The following SCAI variants were observed in gnomAD, a reference collection of about 807,000 sequenced individuals.
SCAI encodes the protein suppressor of cancer cell invasion, also known as protein SCAI.
A neutral mutation model predicts 92.2 loss-of-function variants in SCAI; 24 were observed. That is an observed-to-expected ratio of 0.26 (90% CI 0.19 to 0.37). SCAI has a LOEUF of 0.37. Ranked by LOEUF, SCAI falls within the 10% of genes least tolerant of loss-of-function variation. The probability of loss-of-function intolerance (pLI) is 1.00; values close to 1 mark genes in which losing one functional copy is unlikely to be tolerated. For missense variants in SCAI, 450 were observed against 736.2 expected (o/e 0.61, Z 4.50); for synonymous variants, 261 against 258.6 (o/e 1.01, Z -0.09).
At chr9:125,024,213 TGG>T (rs1243518232) in intron 6 of SCAI, among the ~76,000 whole-genome samples, 122 of 152,012 alleles carry the variant, frequency 8.0e-4, no homozygotes, top group Middle Eastern at 6.8e-3. Context: ...TCAACATAAG[TGG>T]TGACAGTATC....
intron 3 of SCAI, among the ~76,000 whole-genome samples, chr9:125,046,337 A>G: frequency 2.9e-5 from 1 of 34,010 alleles, no homozygotes; most frequent in Non-Finnish European, 5.9e-5. Context: ...ACACACATAT[A>G]TATATGTGTG....
chr9:124,984,667 G>A (rs1287677870), intron 14 of SCAI, among the ~76,000 whole-genome samples: 1 of 152,182 alleles, frequency 6.6e-6, no homozygotes, highest in Admixed American at 6.6e-5. Flanking sequence ...AGCTGTATAT[G>A]GAAGAGCCTA....
chr9:125,057,462 C>T (rs1411546746), intron 2 of SCAI, among the ~76,000 whole-genome samples: 1 of 152,120 alleles, frequency 6.6e-6, no homozygotes, highest in Non-Finnish European at 1.5e-5. Context: ...ATTGAAAGGA[C>T]TCAAAGAATG....
chr9:125,025,182 C>T (rs796751405), intron 6 of SCAI, among the ~76,000 whole-genome samples: 9 of 152,330 alleles, frequency 5.9e-5, no homozygotes, highest in African/African-American at 2.2e-4. Flanking sequence ...CCCCTCCTAA[C>T]TACACACAGC....
At chr9:124,955,471 A>C (rs924495572) in intron 17 of SCAI, among the ~76,000 whole-genome samples, 1 of 151,848 alleles carries the variant, frequency 6.6e-6, no homozygotes, top group Admixed American at 6.6e-5. Flanking sequence ...AAATACAAAA[A>C]TTAGCTGGGC....
intron 2 of SCAI, among the ~76,000 whole-genome samples, chr9:125,137,848 C>T (rs1329509770): frequency 5.9e-5 from 9 of 152,224 alleles, no homozygotes; most frequent in South Asian, 2.1e-4. Flanking sequence ...GTGATCCACC[C>T]GCCTCAGCCT....
At chr9:124,972,110 A>T (rs1020607876) in intron 15 of SCAI, among the ~76,000 whole-genome samples, 4 of 152,210 alleles carry the variant, frequency 2.6e-5, no homozygotes, top group African/African-American at 9.6e-5. Flanking sequence ...AACAAATTTC[A>T]TCCAAATATG....
intron 14 of SCAI, among the ~76,000 whole-genome samples, chr9:124,986,912 G>C (rs977767053): frequency 6.6e-6 from 1 of 152,168 alleles, no homozygotes; most frequent in Non-Finnish European, 1.5e-5. Context: ...CTCCTGTTTT[G>C]ACAAATCTGT....
At chr9:125,070,449 G>A (rs1475010662) in intron 2 of SCAI, among the ~76,000 whole-genome samples, 1 of 124,638 alleles carries the variant, frequency 8.0e-6, no homozygotes, top group Non-Finnish European at 1.6e-5. Context: ...GCCCAGGCTT[G>A]AGTGCAGCAG....
chr9:125,000,790 C>T (rs1274053931), intron 12 of SCAI, among the ~76,000 whole-genome samples: 1 of 152,076 alleles, frequency 6.6e-6, no homozygotes, highest in Non-Finnish European at 1.5e-5. Flanking sequence ...CAGATTTCAG[C>T]GTGCAAATAT....
Position 125,002,067 on chromosome 9 carries a change from C to A in SCAI, c.1066-24G>T, listed in dbSNP as rs749182540. The A allele has an allele frequency of 1.4e-5, 21 of 1,471,044 alleles. No individual in the cohort carries two copies. The Admixed American group carries it at 3.2e-4, about 22-fold the overall frequency. 91.1% of individuals were successfully genotyped at this position (1,471,044 alleles called of 1,614,324 possible). On this transcript the variant is annotated intron_variant, in intron 11 of 17. Coordinates refer to ENST00000336505, the MANE Select transcript of SCAI (RefSeq NM_001144877.3). Reference sequence around the variant, plus strand: ...TCCTGAAATGAAAGAAAATCACATACACAAAACAACAAACAAGGATAAACA... The same window carrying A: ...TCCTGAAATGAAAGAAAATCACATAAACAAAACAACAAACAAGGATAAACA...
chr9:124,986,268 G>A lies in SCAI; in HGVS notation c.1326+8666C>T, dbSNP rs373832310. On this transcript the variant is annotated intron_variant, in intron 14 of 17. Coordinates refer to ENST00000336505, the MANE Select transcript of SCAI (RefSeq NM_001144877.3). Reference sequence around the variant, plus strand: ...ATCACGCCACTGCACTCCAGCCTGGGCAACAGATCGAGACTCCGTCTCAAA... The same window carrying A: ...ATCACGCCACTGCACTCCAGCCTGGACAACAGATCGAGACTCCGTCTCAAA... Among the ~76,000 whole-genome samples, 20 of 152,290 alleles carry A rather than the reference G, an allele frequency of 1.3e-4. No individual in the cohort carries two copies. In the East Asian group the frequency reaches 2.5e-3, roughly 19 times the overall value.
At chr9:125,046,495 G>A (rs1192134129) in intron 3 of SCAI, among the ~76,000 whole-genome samples, 1 of 149,590 alleles carries the variant, frequency 6.7e-6, no homozygotes, top group Non-Finnish European at 1.5e-5. Context: ...ATAGGTGGAA[G>A]CTAAAGTATG....
intron 2 of SCAI, among the ~76,000 whole-genome samples, chr9:125,102,551 G>A (rs1834698263): frequency 6.6e-6 from 1 of 150,834 alleles, no homozygotes; most frequent in African/African-American, 2.4e-5. Context: ...CTCTCCCTCA[G>A]CCTTCAAACA....
intron 2 of SCAI, among the ~76,000 whole-genome samples, chr9:125,078,000 G>A (rs546244136): frequency 1.9e-4 from 29 of 151,818 alleles, no homozygotes; most frequent in Non-Finnish European, 2.9e-4. Flanking sequence ...GATTACAGGC[G>A]TAAGCCACCG....
intron 2 of SCAI, among the ~76,000 whole-genome samples, chr9:125,109,050 C>G (rs1330628581): frequency 1.3e-5 from 2 of 152,186 alleles, no homozygotes; most frequent in African/African-American, 4.8e-5. Context: ...GTTGATCTAT[C>G]ACCTTACCCC....
At chr9:124,988,199 T>C (rs1832038965) in intron 14 of SCAI, among the ~76,000 whole-genome samples, 1 of 152,070 alleles carries the variant, frequency 6.6e-6, no homozygotes, top group Non-Finnish European at 1.5e-5. Context: ...GACCTAAAGA[T>C]ACTGGCATTA....
chr9:125,127,405 A>ATTTT (rs11399082), intron 2 of SCAI, among the ~76,000 whole-genome samples: 1 of 140,826 alleles, frequency 7.1e-6, no homozygotes, highest in African/African-American at 2.6e-5. Flanking sequence ...CCAGGGCAGA[A>ATTTT]TTTTTTTTTT....
intron 2 of SCAI, among the ~76,000 whole-genome samples, chr9:125,138,326 G>GCTCACTGCA (rs966409017): frequency 8.1e-5 from 12 of 148,622 alleles, no homozygotes; most frequent in Admixed American, 1.4e-4. Context: ...TGCAATCTCG[G>GCTCACTGCA]CTCACTGCAA....
Sources: gnomAD v4.1 joint callset for allele counts (sites outside exome capture counted in the v4.1 genomes callset) on GRCh38, gnomAD v4.1.1 for gene constraint, MANE v1.5 for transcripts, NCBI Gene and HGNC (gene_info 2026-07-23, HGNC 2026-07-21) for gene names.